Variants in WWTR1 observed in about 807,000 individuals in gnomAD.
WWTR1 encodes the protein WW domain-containing transcription regulator protein 1.
A neutral mutation model predicts 40.1 loss-of-function variants in WWTR1; 13 were observed. That is an observed-to-expected ratio of 0.32 (90% CI 0.21 to 0.52). The LOEUF is 0.52. WWTR1 is among the 20% of genes least tolerant of loss of function. The probability of loss-of-function intolerance (pLI) is 0.97; values close to 1 mark genes in which losing one functional copy is unlikely to be tolerated. For missense variants in WWTR1, 436 were observed against 523.1 expected, an observed-to-expected ratio of 0.83 and a Z score of 1.63; for synonymous variants, 230 against 210.1, an observed-to-expected ratio of 1.09 and a Z score of -0.82.
rs565036996 is a variant in WWTR1, at chr3:149,616,071, C to A, written c.431+40805G>T. The stretch of plus-strand genomic sequence containing the variant: ...GAGAGACATCCCTTCATAAAACAAA[C>A]CAGGAATATTCCAACAAGGTTCAAA... On this transcript the variant is annotated intron_variant, in intron 2 of 6. Coordinates refer to ENST00000360632, the MANE Select transcript of WWTR1 (RefSeq NM_015472.6). 2.6e-5 allele frequency among the ~76,000 whole-genome samples: 4 copies of A among 152,258 alleles called. No individual in the cohort carries two copies. In the East Asian group the frequency reaches 7.7e-4, roughly 29 times the overall value.
intron 2 of WWTR1, among the ~76,000 whole-genome samples, chr3:149,639,038 C>A (rs1450375267): frequency 6.6e-6 from 1 of 152,172 alleles, no homozygotes; most frequent in African/African-American, 2.4e-5. Context: ...CGTGAAGAAC[C>A]ACTAAACAAT....
At chr3:149,530,687 A>G (rs572034596) in intron 4 of WWTR1, among the ~76,000 whole-genome samples, 1 of 152,150 alleles carries the variant, frequency 6.6e-6, no homozygotes, top group South Asian at 2.1e-4. Context: ...AAAAACCTAT[A>G]CTATATTGGA....
At chr3:149,634,919 T>C (rs1711734722) in intron 2 of WWTR1, among the ~76,000 whole-genome samples, 1 of 152,210 alleles carries the variant, frequency 6.6e-6, no homozygotes, top group Non-Finnish European at 1.5e-5. Flanking sequence ...TCAAAGACTC[T>C]GAGGCCAAAC....
At chr3:149,593,262 A>G (rs1738821189) in intron 2 of WWTR1, among the ~76,000 whole-genome samples, 1 of 152,230 alleles carries the variant, frequency 6.6e-6, no homozygotes, top group African/African-American at 2.4e-5. Flanking sequence ...AGACTTGCAC[A>G]TACAATGTGC....
At chr3:149,661,631 C>T (rs1440749460), upstream of WWTR1, among the ~76,000 whole-genome samples, 1 of 151,754 alleles carries the variant, frequency 6.6e-6, no homozygotes. Context: ...ATCATGTTGG[C>T]CAGGCTGATC....
At chr3:149,562,553 T>C (rs1340606038) in intron 3 of WWTR1, among the ~76,000 whole-genome samples, 1 of 151,436 alleles carries the variant, frequency 6.6e-6, no homozygotes, top group Non-Finnish European at 1.5e-5. Flanking sequence ...TGAATCTTGC[T>C]GCTTCAAAAA....
chr3:149,591,214 A>G (rs1225130513), intron 2 of WWTR1, among the ~76,000 whole-genome samples: 1 of 152,206 alleles, frequency 6.6e-6, no homozygotes, highest in African/African-American at 2.4e-5. Flanking sequence ...AAGGACTCTG[A>G]AGATAGATTT....
chr3:149,691,555 C>T (rs984997721), intron 1 of WWTR1, among the ~76,000 whole-genome samples: 2 of 151,584 alleles, frequency 1.3e-5, no homozygotes, highest in African/African-American at 4.8e-5. Context: ...ATTGGAAAAC[C>T]TAGAAGAAAT....
At chr3:149,558,002 CAAAAAAAA>C (rs10554239) in intron 3 of WWTR1, among the ~76,000 whole-genome samples, 1 of 82,958 alleles carries the variant, frequency 1.2e-5, no homozygotes, top group Non-Finnish European at 2.9e-5. Flanking sequence ...GGCTCCATCT[CAAAAAAAA>C]AAAAAAAAAA....
chr3:149,583,840 G>A (rs1462208584), intron 2 of WWTR1, among the ~76,000 whole-genome samples: 1 of 152,166 alleles, frequency 6.6e-6, no homozygotes, highest in Non-Finnish European at 1.5e-5. Flanking sequence ...ACAACGAGCA[G>A]TATGGTGGTA....
At chr3:149,672,179 ATCAGAGGCTTTATGTGGCCGC>A in intron 1 of WWTR1, among the ~76,000 whole-genome samples, 1 of 152,236 alleles carries the variant, frequency 6.6e-6, no homozygotes, top group East Asian at 1.9e-4. Context: ...TAGAATGTGC[ATCAGAGGCTTTATGTGGCCGC>A]AAAGCCCAAA....
At position 149,543,580 on chromosome 3, in the gene WWTR1, C is replaced by CAAAAAAAAAAAAAAAAAAAAAAAA. The variant is rs755442408; in HGVS notation, c.569-1044_569-1043insTTTTTTTTTTTTTTTTTTTTTTTT. On this transcript the variant is annotated intron_variant, in intron 3 of 6. Coordinates refer to ENST00000360632, the MANE Select transcript of WWTR1 (RefSeq NM_015472.6). The stretch of plus-strand genomic sequence containing the variant: ...CTGGTGACAAAGAAAGACTCTGTCT[C>CAAAAAAAAAAAAAAAAAAAAAAAA]AAAAAAAAAAAAAAAAAAAAAAAGA... Among the ~76,000 whole-genome samples, 17 of 31,226 alleles carry CAAAAAAAAAAAAAAAAAAAAAAAA rather than the reference C, an allele frequency of 5.4e-4. 1 individual carries two copies. The highest frequency in any genetic ancestry group is 7.5e-4 in the Non-Finnish European group (13 of 17,410). The allele number at this position is 31,226 out of a possible 152,430, so 20.5% of individuals were successfully genotyped here.
intron 5 of WWTR1, among the ~76,000 whole-genome samples, chr3:149,714,766 G>T (rs7650995): frequency 5.9e-4 from 90 of 152,346 alleles, no homozygotes; most frequent in African/African-American, 2.0e-3. Context: ...CCAGTCCCAC[G>T]GACCAGAGTG....
At chr3:149,698,297 C>T (rs1010518827) in intron 1 of WWTR1, among the ~76,000 whole-genome samples, 10 of 152,284 alleles carry the variant, frequency 6.6e-5, no homozygotes, top group African/African-American at 1.7e-4. Flanking sequence ...TGAGTTCTCA[C>T]GAGATCTGAT....
chr3:149,528,143 A>G (rs1229241312), intron 4 of WWTR1, among the ~76,000 whole-genome samples, 174 bp from the exon 5 acceptor site: 2 of 152,252 alleles, frequency 1.3e-5, no homozygotes, highest in Admixed American at 1.3e-4. Context: ...TCTTACAGAC[A>G]TAAGTCACTT....
intron 2 of WWTR1, among the ~76,000 whole-genome samples, chr3:149,635,081 G>A (rs1711743003): frequency 6.6e-6 from 1 of 152,142 alleles, no homozygotes; most frequent in Non-Finnish European, 1.5e-5. Flanking sequence ...AGCAGAAGGG[G>A]GCCCTGCTCT....
intron 4 of WWTR1, among the ~76,000 whole-genome samples, chr3:149,529,590 A>G (rs901576337): frequency 5.3e-5 from 8 of 152,228 alleles, no homozygotes; most frequent in Non-Finnish European, 1.2e-4. Flanking sequence ...AGTGATTTTC[A>G]TCATCTAAAT....
intron 4 of WWTR1, among the ~76,000 whole-genome samples, chr3:149,720,801 T>C (rs1235251674): frequency 6.6e-6 from 1 of 152,336 alleles, no homozygotes; most frequent in East Asian, 1.9e-4. Flanking sequence ...CTCTCAGATA[T>C]ATTTTGTACT....
chr3:149,525,866 TG>T (rs1387341311), intron 6 of WWTR1, 146 bp downstream of exon 6: 1 of 460,862 alleles, frequency 2.2e-6, no homozygotes, highest in African/African-American at 2.0e-5. Flanking sequence ...CACATAACCA[TG>T]TAGCAAACCT....
Sources: gnomAD v4.1 joint callset for allele counts (sites outside exome capture counted in the v4.1 genomes callset) on GRCh38, gnomAD v4.1.1 for gene constraint, MANE v1.5 for transcripts, NCBI Gene and HGNC (gene_info 2026-07-23, HGNC 2026-07-21) for gene names.